The following QTMAN variants were observed in gnomAD, a reference collection of about 807,000 sequenced individuals.
QTMAN encodes queuosine-tRNA mannosyltransferase.
At chr2:144,059,533 AAAAG>A in the QTMAN span, among the ~76,000 whole-genome samples, 1 of 152,198 alleles carries the variant, frequency 6.6e-6, no homozygotes, top group Non-Finnish European at 1.5e-5. Context: ...ACAGTTGGGG[AAAAG>A]AAAGAAAGAA....
At chr2:144,265,686 C>T in the QTMAN span, among the ~76,000 whole-genome samples, 2 of 152,126 alleles carry the variant, frequency 1.3e-5, no homozygotes, top group Admixed American at 6.6e-5. Flanking sequence ...CAGGGCGAGA[C>T]TCCGTCTCAA....
chr2:144,165,446 G>T, the QTMAN span, among the ~76,000 whole-genome samples: 1 of 152,012 alleles, frequency 6.6e-6, no homozygotes. Flanking sequence ...TTCAAATTTT[G>T]GTTCTTGGGT....
the QTMAN span, among the ~76,000 whole-genome samples, chr2:144,160,461 T>C: frequency 6.6e-6 from 1 of 152,172 alleles, no homozygotes; most frequent in South Asian, 2.1e-4. Context: ...TCAGAAAGGA[T>C]GACTTATCAA....
the QTMAN span, among the ~76,000 whole-genome samples, chr2:144,013,141 C>A: frequency 6.6e-6 from 1 of 152,104 alleles, no homozygotes; most frequent in African/African-American, 2.4e-5. Context: ...TTAAACATTT[C>A]TTTACTATTA....
At chr2:143,971,146 A>G in the QTMAN span, among the ~76,000 whole-genome samples, 4 of 151,860 alleles carry the variant, frequency 2.6e-5, no homozygotes, top group Non-Finnish European at 5.9e-5. Flanking sequence ...AGAAAAGACC[A>G]ATCTTCAAAG....
chr2:144,329,916 T>C, the QTMAN span, among the ~76,000 whole-genome samples: 1 of 152,074 alleles, frequency 6.6e-6, no homozygotes, highest in African/African-American at 2.4e-5. Context: ...CACAGATGAG[T>C]AGGACATAGC....
the QTMAN span, among the ~76,000 whole-genome samples, chr2:143,995,783 C>A: frequency 6.6e-6 from 1 of 152,104 alleles, no homozygotes. Context: ...TGATAACTCC[C>A]AAATTTCTGT....
At chr2:144,200,961 C>T in the QTMAN span, among the ~76,000 whole-genome samples, 1 of 152,114 alleles carries the variant, frequency 6.6e-6, no homozygotes, top group African/African-American at 2.4e-5. Context: ...ATTTTTCAAA[C>T]TCTAATAACT....
At chr2:144,101,394 T>TCTCTCTCACACACA in the QTMAN span, among the ~76,000 whole-genome samples, 43 of 150,124 alleles carry the variant, frequency 2.9e-4, no homozygotes, top group African/African-American at 9.8e-4. Context: ...TATCTCTCTC[T>TCTCTCTCACACACA]CACACACACA....
the QTMAN span, among the ~76,000 whole-genome samples, chr2:144,002,577 G>A: frequency 3.3e-5 from 5 of 152,052 alleles, no homozygotes; most frequent in South Asian, 8.3e-4. Context: ...ATGTCTATGA[G>A]ATCAATGGTG....
chr2:144,005,680 T>A, the QTMAN span: 1 of 152,084 alleles, frequency 6.6e-6, no homozygotes, highest in Non-Finnish European at 1.5e-5. Flanking sequence ...TAATGCTGCA[T>A]CTCTTTAAGC....
the QTMAN span, among the ~76,000 whole-genome samples, chr2:144,052,996 G>C: frequency 2.0e-5 from 3 of 152,142 alleles, no homozygotes; most frequent in African/African-American, 7.2e-5. Context: ...AGGTGATCCT[G>C]GTCATGCACT....
chr2:144,158,131 C>T, the QTMAN span, among the ~76,000 whole-genome samples: 27 of 151,846 alleles, frequency 1.8e-4, no homozygotes, highest in Non-Finnish European at 2.9e-5. Context: ...ATTCTAGTAA[C>T]TTTTTTATAA....
the QTMAN span, among the ~76,000 whole-genome samples, chr2:144,288,674 C>T: frequency 1.3e-5 from 2 of 152,162 alleles, no homozygotes; most frequent in African/African-American, 4.8e-5. Flanking sequence ...GGCCTGCAAA[C>T]TTCTCTTTTT....
the QTMAN span, among the ~76,000 whole-genome samples, chr2:144,149,046 G>A: frequency 6.6e-6 from 1 of 151,908 alleles, no homozygotes; most frequent in Non-Finnish European, 1.5e-5. Context: ...CAAAAGGAAT[G>A]CAGGTGATCC....
At chr2:144,067,575 C>T in the QTMAN span, among the ~76,000 whole-genome samples, 7 of 152,074 alleles carry the variant, frequency 4.6e-5, no homozygotes, top group Admixed American at 6.5e-5. Context: ...ATTATTTATC[C>T]CATCACATTA....
chr2:143,945,477 A>T, the QTMAN span: 1 of 152,410 alleles, frequency 6.6e-6, no homozygotes, highest in Non-Finnish European at 1.5e-5. Context: ...CAGGCCTCAT[A>T]GACTCTGAAC....
At chr2:144,093,583 T>C in the QTMAN span, among the ~76,000 whole-genome samples, 2 of 152,224 alleles carry the variant, frequency 1.3e-5, no homozygotes, top group Non-Finnish European at 2.9e-5. Flanking sequence ...AAAACTTGGC[T>C]ACACATGGTA....
chr2:144,103,596 G>C, the QTMAN span, among the ~76,000 whole-genome samples: 80 of 152,074 alleles, frequency 5.3e-4, no homozygotes, highest in African/African-American at 1.7e-3. Flanking sequence ...TAGTTGTAAG[G>C]ACATCATTAT....
Sources: gnomAD v4.1 joint callset for allele counts (sites outside exome capture counted in the v4.1 genomes callset) on GRCh38, gnomAD v4.1.1 for gene constraint, MANE v1.5 for transcripts, NCBI Gene and HGNC (gene_info 2026-07-23, HGNC 2026-07-21) for gene names.